SCIN: variants seen among roughly 807,000 people sequenced by gnomAD.
The protein encoded by SCIN is adseverin.
SCIN carries 91 observed loss-of-function variants against 91.8 expected under a neutral mutation model. The ratio of observed to expected loss-of-function variants is 0.99; its 90% CI spans 0.84 to 1.18. The LOEUF is 1.18. SCIN is among the 50% of genes most tolerant of loss of function. The pLI, the probability that SCIN is intolerant of heterozygous loss-of-function variation, is 0.00. For synonymous variants in SCIN, 367 were observed against 312.6 expected (o/e 1.17, Z -1.84); for missense variants, 1,087 against 863.9 (o/e 1.26, Z -3.24).
intron 3 of SCIN, among the ~76,000 whole-genome samples, chr7:12,587,887 A>G (rs559864703): frequency 5.6e-4 from 86 of 152,320 alleles, no homozygotes; most frequent in African/African-American, 2.0e-3. Context: ...GTTTCCTGCA[A>G]GATACACTCC....
intron 5 of SCIN, among the ~76,000 whole-genome samples, chr7:12,624,112 G>C (rs1334517588): frequency 6.6e-6 from 1 of 152,110 alleles, no homozygotes; most frequent in African/African-American, 2.4e-5. Context: ...GTATTACATG[G>C]ATATAAAGTA....
chr7:12,582,199 T>A (rs1270764275), intron 3 of SCIN, among the ~76,000 whole-genome samples: 1 of 152,226 alleles, frequency 6.6e-6, no homozygotes, highest in Non-Finnish European at 1.5e-5. Context: ...ACTCTCAGCA[T>A]ATCTGATTCC....
At chr7:12,642,472 T>TCTGTCTACTG (rs1783876574) in intron 11 of SCIN, among the ~76,000 whole-genome samples, 1 of 151,994 alleles carries the variant, frequency 6.6e-6, no homozygotes, top group African/African-American at 2.4e-5. Context: ...AGCTACTGCA[T>TCTGTCTACTG]CATTTCTCTG....
chr7:12,652,733 G>T lies in SCIN; in HGVS notation c.*18G>T. The stretch of plus-strand genomic sequence containing the variant: ...AGTGGTAAATTGGTATTTGTAAAAA[G>T]CAAACAAACATTACAAGGCAGTTAT... On this transcript the variant is annotated 3_prime_UTR_variant, in exon 16 of 16. Transcript: ENST00000297029. 5.0e-6 allele frequency: 8 copies of T among 1,599,508 alleles called. No homozygotes were observed. Among genetic ancestry groups the T allele is most frequent in the Non-Finnish European group, 6.0e-6 (7 of 1,175,834 alleles).
chr7:12,649,359 C>A, intron 13 of SCIN, 108 bp from the exon 14 acceptor site: 2 of 562,654 alleles, frequency 3.6e-6, no homozygotes, highest in East Asian at 3.2e-5. Context: ...AAATTACCAC[C>A]AAATTTTATT....
At position 12,659,079 on chromosome 7, in the gene SCIN, C is replaced by G. The variant is rs1269270186; in HGVS notation, c.*6364C>G. Reference sequence around the variant, plus strand: ...CAAGCGATTCTCCTGCCTCAGCCTCCTGAGTAGCTGGGATTACAGGCACCC... The same window carrying G: ...CAAGCGATTCTCCTGCCTCAGCCTCGTGAGTAGCTGGGATTACAGGCACCC... On this transcript the variant is annotated 3_prime_UTR_variant, in exon 16 of 16. Coordinates refer to ENST00000297029, the MANE Select transcript of SCIN (RefSeq NM_001112706.3). The G allele has an allele frequency of 6.6e-6, 1 of 152,292 alleles. No individual in the cohort carries two copies. The highest frequency in any genetic ancestry group is 2.4e-5 in the African/African-American group (1 of 41,428). The allele number at this position is 152,292 out of a possible 1,614,324, so 9.4% of individuals were successfully genotyped here. A position where few individuals can be genotyped will look rare whatever the true frequency, so the allele number is the denominator to read the frequency against.
rs900084846 is a variant in SCIN at position 12,644,269 on chromosome 7, T to C, written c.1713T>C (p.Ser571=). 2 of 1,599,680 alleles carry C rather than the reference T, an allele frequency of 1.3e-6. No individual in the cohort carries two copies. Among genetic ancestry groups the C allele is most frequent in the Admixed American group, 1.7e-5 (1 of 57,688 alleles). The change falls in exon 12 of 16, where the codon AGT becomes AGC. Residue 571 remains serine (S), a synonymous_variant. Transcript: ENST00000297029. ...EEEKGAEYVA[S]VLKCKTLRIQ... Reference sequence around the variant, plus strand: ...AGAAAGGAGCAGAGTATGTAGCAAGTGTCCTAAAGTGCAAAACCTTAAGGA... The same window carrying C: ...AGAAAGGAGCAGAGTATGTAGCAAGCGTCCTAAAGTGCAAAACCTTAAGGA...
Position 12,652,750 on chromosome 7 carries a change from G to C in SCIN, c.*35G>C. 6.3e-7 allele frequency: 1 copy of C among 1,581,708 alleles called. No individual in the cohort carries two copies. The highest frequency in any genetic ancestry group is 8.5e-7 in the Non-Finnish European group (1 of 1,170,674). ...TGTAAAAAGCAAACAAACATTACAA[G>C]GCAGTTATCTCATTGCTGTTTTGGG... On this transcript the variant is annotated 3_prime_UTR_variant, in exon 16 of 16. Transcript: ENST00000297029.
At position 12,653,330 on chromosome 7, in the gene SCIN, A is replaced by T. The variant is rs1784120147; in HGVS notation, c.*615A>T. 1 of 152,172 alleles carries T rather than the reference A, an allele frequency of 6.6e-6. No individual in the cohort carries two copies. The highest frequency in any genetic ancestry group is 6.5e-5 in the Admixed American group (1 of 15,280). The allele number at this position is 152,172 out of a possible 1,614,324, so 9.4% of individuals were successfully genotyped here. On this transcript the variant is annotated 3_prime_UTR_variant, in exon 16 of 16. Coordinates refer to ENST00000297029, the MANE Select transcript of SCIN (RefSeq NM_001112706.3). The surrounding 1 kb of genome is among the most constrained non-coding windows in gnomAD (Gnocchi z 4.1). ...CATAATCTAGAAAGATTTGTCAGAT[A>T]GGAAATTTTATAATGCATTAGCCAT...
rs970241348 is a variant in SCIN, at chr7:12,585,213, C to T, written c.516+3992C>T. Among the ~76,000 whole-genome samples, 5 of 152,064 alleles carry T rather than the reference C, an allele frequency of 3.3e-5. No homozygotes were observed. The East Asian group carries it at 9.7e-4, about 29-fold the overall frequency. ...TGTTCTTGTTATGGGCATCGATGACCCCTGGTAAATCCGGTGGACACCGTG... is the reference window on the plus strand; with the variant it reads ...TGTTCTTGTTATGGGCATCGATGACTCCTGGTAAATCCGGTGGACACCGTG... On this transcript the variant is annotated intron_variant, in intron 3 of 15. Transcript: ENST00000297029.
At position 12,656,026 on chromosome 7, in the gene SCIN, A is replaced by T. The variant is rs1207935375; in HGVS notation, c.*3311A>T. 1 of 152,066 alleles carries T rather than the reference A, an allele frequency of 6.6e-6. No individual in the cohort carries two copies. The highest frequency in any genetic ancestry group is 1.5e-5 in the Non-Finnish European group (1 of 68,026). The allele number at this position is 152,066 out of a possible 1,614,324, so 9.4% of individuals were successfully genotyped here. ...CGGAGAGCCTTGGTGAGCCATTTAG[A>T]TCCTCTGTATCTTCTCAAGCACAAT... On this transcript the variant is annotated 3_prime_UTR_variant, in exon 16 of 16. Coordinates refer to ENST00000297029, the MANE Select transcript of SCIN (RefSeq NM_001112706.3).
chr7:12,649,684 G>A (rs1784041028), intron 14 of SCIN, 140 bp downstream of exon 14: 1 of 461,354 alleles, frequency 2.2e-6, no homozygotes, highest in Admixed American at 4.1e-5. Context: ...CACACATTTG[G>A]TAAAAAATGA....
In SCIN at chr7:12,651,732, A is replaced by G. The variant is rs1218175100; in HGVS notation, c.1960-109A>G. 4.4e-6 allele frequency: 3 copies of G among 687,124 alleles called. No individual in the cohort carries two copies. Among genetic ancestry groups the G allele is most frequent in the Admixed American group, 2.6e-5 (1 of 38,060 alleles). The allele number at this position is 687,124 out of a possible 1,614,324, so 42.6% of individuals were successfully genotyped here. ...ACCTCCACGTCCCTAACTTCTGCGG[A>G]TATTGTGAAGATTGAATGAGCAATG... is the stretch of plus-strand genomic sequence containing the variant. On this transcript the variant is annotated intron_variant, in intron 14 of 15. Transcript: ENST00000297029. The surrounding 1 kb of genome is among the most constrained non-coding windows in gnomAD (Gnocchi z 5.9).
At chr7:12,584,747 A>G (rs1782553959) in intron 3 of SCIN, among the ~76,000 whole-genome samples, 1 of 152,232 alleles carries the variant, frequency 6.6e-6, no homozygotes, top group African/African-American at 2.4e-5. Context: ...TGGTGAATTT[A>G]TTAGTCATGA....
chr7:12,576,220 T>G (rs1183701399), intron 1 of SCIN, among the ~76,000 whole-genome samples: 1 of 152,174 alleles, frequency 6.6e-6, no homozygotes, highest in Admixed American at 6.6e-5. Context: ...CAGTTAGGGT[T>G]CGGATCCCAA....
At chr7:12,628,392 G>A (rs557819316) in intron 8 of SCIN, among the ~76,000 whole-genome samples, 91 of 152,260 alleles carry the variant, frequency 6.0e-4, no homozygotes, top group Middle Eastern at 3.4e-3. Context: ...CTAAGCTCAA[G>A]GTTTTGATGG....
At chr7:12,642,860 G>A (rs147869256) in intron 11 of SCIN, among the ~76,000 whole-genome samples, 2 of 151,812 alleles carry the variant, frequency 1.3e-5, no homozygotes, top group African/African-American at 2.4e-5. Context: ...GTTCTTGAGC[G>A]CTCCAAGTCT....
Position 12,570,912 on chromosome 7 carries a change from C to T in SCIN, c.126C>T (p.Val42=), listed in dbSNP as rs1782253118. 3 of 1,551,564 alleles carry T rather than the reference C, an allele frequency of 1.9e-6. No homozygotes were observed. The highest frequency in any genetic ancestry group is 2.6e-6 in the Non-Finnish European group (3 of 1,146,968). ...AGAGCGCTCACGGCGACTTCTACGT[C>T]GGGGATGCCTACCTGGTGCTGCACA... ...VPQSAHGDFY[V]GDAYLVLHTA... The change falls in exon 1 of 16, where the codon GTC becomes GTT. Residue 42 remains valine (V), a synonymous_variant. Transcript: ENST00000297029.
At chr7:12,616,895 A>T (rs963137593) in intron 4 of SCIN, among the ~76,000 whole-genome samples, 2 of 152,136 alleles carry the variant, frequency 1.3e-5, no homozygotes, top group Admixed American at 1.3e-4. Context: ...TCTTCTGCTG[A>T]TTGCATAAAA....
Sources: gnomAD v4.1 joint callset for allele counts (sites outside exome capture counted in the v4.1 genomes callset) on GRCh38, gnomAD v4.1.1 for gene constraint, Gnocchi (gnomAD v3.1) non-coding constraint, MANE v1.5 for transcripts, NCBI Gene and HGNC (gene_info 2026-07-23, HGNC 2026-07-21) for gene names.